The following OSBPL8 variants were observed in gnomAD, a reference collection of about 807,000 sequenced individuals.
OSBPL8 encodes the protein oxysterol binding protein like 8.
In OSBPL8, 59 loss-of-function variants were observed where a neutral mutation model predicts 125.5. The observed-to-expected ratio is 0.47, with a 90% CI of 0.38 to 0.58. The LOEUF is 0.58. OSBPL8 is among the 20% of genes least tolerant of loss of function. OSBPL8 has a pLI of 0.00. For synonymous variants in OSBPL8, 330 were observed against 338.9 expected, an observed-to-expected ratio of 0.97 and a Z score of 0.29; for missense variants, 758 against 1,047.8, an observed-to-expected ratio of 0.72 and a Z score of 3.82.
Position 76,443,719 on chromosome 12 carries a change from C to T in OSBPL8, c.217+7132G>A, listed in dbSNP as rs1205956761. Among the ~76,000 whole-genome samples, 3 of 152,216 alleles carry T rather than the reference C, an allele frequency of 2.0e-5. No individual in the cohort carries two copies. In the East Asian group the frequency reaches 5.8e-4, roughly 29 times the overall value. On this transcript the variant is annotated intron_variant, in intron 4 of 23. Coordinates refer to ENST00000261183, the MANE Select transcript of OSBPL8 (RefSeq NM_020841.5). ...AGATGGTTTCACCATGTTGGCCAGGCTGGTCTCAAATTCCTGACCCCAGGT... is the reference window on the plus strand; with the variant it reads ...AGATGGTTTCACCATGTTGGCCAGGTTGGTCTCAAATTCCTGACCCCAGGT...
At chr12:76,359,336 A>G (rs1306939088) in intron 21 of OSBPL8, among the ~76,000 whole-genome samples, 1 of 152,250 alleles carries the variant, frequency 6.6e-6, no homozygotes, top group African/African-American at 2.4e-5. Flanking sequence ...AAAGTATCTT[A>G]TAATAAATAA....
chr12:76,556,846 AG>A (rs1951118069), intron 1 of OSBPL8, among the ~76,000 whole-genome samples: 1 of 152,022 alleles, frequency 6.6e-6, no homozygotes, highest in African/African-American at 2.4e-5. Flanking sequence ...TTGTATTTTT[AG>A]TAGAGACGGG....
chr12:76,438,701 T>A (rs1329607707), intron 4 of OSBPL8, among the ~76,000 whole-genome samples: 1 of 152,198 alleles, frequency 6.6e-6, no homozygotes, highest in African/African-American at 2.4e-5. Flanking sequence ...ATGTTAAAAT[T>A]TTCAAATATG....
rs1043218347 is a variant in OSBPL8 at position 76,353,430 on chromosome 12, T to C, written c.*2459A>G. The C allele has an allele frequency of 1.3e-5, 2 of 151,762 alleles. No homozygotes were observed. Among genetic ancestry groups the C allele is most frequent in the Non-Finnish European group, 3.0e-5 (2 of 67,796 alleles). The allele number at this position is 151,762 out of a possible 1,614,324, so 9.4% of individuals were successfully genotyped here. A position where few individuals can be genotyped will look rare whatever the true frequency, so the allele number is the denominator to read the frequency against. On this transcript the variant is annotated 3_prime_UTR_variant, in exon 24 of 24. Transcript: ENST00000261183. Reference sequence around the variant, plus strand: ...ATTATTACTCAATTAAATTTTCATGTAGGAAAATAAAATCTTGGTAAATGA... The same window carrying C: ...ATTATTACTCAATTAAATTTTCATGCAGGAAAATAAAATCTTGGTAAATGA...
In OSBPL8 at chr12:76,397,771, T is replaced by G; in HGVS notation, c.595A>C (p.Ile199Leu). 1 of 1,614,150 alleles carries G rather than the reference T, an allele frequency of 6.2e-7. No individual in the cohort carries two copies. The highest frequency in any genetic ancestry group is 8.5e-7 in the Non-Finnish European group (1 of 1,180,008). The change falls in exon 8 of 24, where the codon ATT becomes CTT. Residue 199 changes from isoleucine to leucine, a missense_variant. This residue lies in a region of OSBPL8 where 69 missense variants were observed against 148.7 expected (regional missense o/e 0.46). Transcript: ENST00000261183. ...CCATCCTTTTTTGATGGACGTTCAA[T>G]GATTTCACAGGCATTCAGAAGAACT... Reference protein sequence around the residue: ...GTVLLNACEIIERPSKKDGFC... With the variant: ...GTVLLNACEILERPSKKDGFC...
chr12:76,389,807 T>G lies in OSBPL8; in HGVS notation c.1190A>C (p.Glu397Ala). The G allele has an allele frequency of 6.5e-7, 1 of 1,538,490 alleles. No homozygotes were observed. Among genetic ancestry groups the G allele is most frequent in the Middle Eastern group, 1.7e-4 (1 of 5,758 alleles). ...LGEAGEASQT[E>A]TVSEENKSLI... ...GCTTTTGTTTTCTTCAGATACAGTT[T>G]CTGTTTGAGAAGCCTCACCTGCCTT... Residue 397 changes from glutamate to alanine, a missense_variant, in exon 12 of 24, where the codon GAA becomes GCA. This residue lies in a region of OSBPL8 where 572 missense variants were observed against 762.0 expected (regional missense o/e 0.75). Transcript: ENST00000261183.
chr12:76,462,837 G>A lies in OSBPL8; in HGVS notation c.43-2942C>T, dbSNP rs80002236. On this transcript the variant is annotated intron_variant, in intron 2 of 23. Coordinates refer to ENST00000261183, the MANE Select transcript of OSBPL8 (RefSeq NM_020841.5). The stretch of plus-strand genomic sequence containing the variant: ...ATGAAAGACAGAGGGAAGAGCAAGT[G>A]TACAGGATTATGATGCAAGCAAGTC... 4.9e-3 allele frequency among the ~76,000 whole-genome samples: 744 copies of A among 152,244 alleles called. 3 individuals are homozygous for A. Among genetic ancestry groups the A allele is most frequent in the Middle Eastern group, 0.01 (3 of 294 alleles).
At chr12:76,396,962 A>G (rs907688608) in intron 8 of OSBPL8, among the ~76,000 whole-genome samples, 1 of 151,886 alleles carries the variant, frequency 6.6e-6, no homozygotes, top group African/African-American at 2.4e-5. Flanking sequence ...CTACAGGTAC[A>G]TGCCACCATA....
At chr12:76,426,758 T>G (rs1292177620) in intron 4 of OSBPL8, among the ~76,000 whole-genome samples, 1 of 152,180 alleles carries the variant, frequency 6.6e-6, no homozygotes, top group Non-Finnish European at 1.5e-5. Context: ...AGTTCTCAGA[T>G]TGTTGCTGGA....
chr12:76,462,537 G>C (rs569329591), intron 2 of OSBPL8, among the ~76,000 whole-genome samples: 4 of 152,134 alleles, frequency 2.6e-5, no homozygotes, highest in South Asian at 4.1e-4. Context: ...TAGACACCAA[G>C]GGACATAGCA....
At chr12:76,385,711 A>G (rs1273494852) in intron 14 of OSBPL8, among the ~76,000 whole-genome samples, 3 of 152,106 alleles carry the variant, frequency 2.0e-5, no homozygotes, top group African/African-American at 7.2e-5. Flanking sequence ...GAGGAAAGAA[A>G]GTGCTAGATC....
At chr12:76,409,868 T>C (rs953668508) in intron 5 of OSBPL8, among the ~76,000 whole-genome samples, 4 of 152,154 alleles carry the variant, frequency 2.6e-5, no homozygotes, top group African/African-American at 9.7e-5. Flanking sequence ...GAAACAGTTA[T>C]CTTACAGTCA....
rs35319213 is a variant in OSBPL8 at position 76,418,010 on chromosome 12, C to CTTTTTTT, written c.218-7383_218-7377dup. Among the ~76,000 whole-genome samples the CTTTTTTT allele has an allele frequency of 3.9e-4, 44 of 111,578 alleles. 1 individual carries two copies. Among genetic ancestry groups the CTTTTTTT allele is most frequent in the South Asian group, 6.4e-4 (2 of 3,104 alleles). The allele number at this position is 111,578 out of a possible 152,430, so 73.2% of individuals were successfully genotyped here. On this transcript the variant is annotated intron_variant, in intron 4 of 23. Coordinates refer to ENST00000261183, the MANE Select transcript of OSBPL8 (RefSeq NM_020841.5). ...CAGAAAATTATATGATTTTCACTACCTTTTTTTTTTTTTTTTTTTTTTGAG... is the reference window on the plus strand; with the variant it reads ...CAGAAAATTATATGATTTTCACTACCTTTTTTTTTTTTTTTTTTTTTTTTTTTTTGAG...
chr12:76,478,697 T>G (rs1877103744), intron 2 of OSBPL8, among the ~76,000 whole-genome samples: 1 of 151,958 alleles, frequency 6.6e-6, no homozygotes, highest in African/African-American at 2.4e-5. Flanking sequence ...TAGGTAATAC[T>G]GAGCAATATA....
chr12:76,379,905 G>A (rs779662997), intron 15 of OSBPL8, among the ~76,000 whole-genome samples: 13 of 152,134 alleles, frequency 8.5e-5, no homozygotes, highest in Non-Finnish European at 1.8e-4. Context: ...CATGGTAAAT[G>A]TATGTTTAAC....
intron 4 of OSBPL8, among the ~76,000 whole-genome samples, chr12:76,435,869 G>C (rs1280037910): frequency 6.6e-6 from 1 of 152,054 alleles, no homozygotes; most frequent in Non-Finnish European, 1.5e-5. Flanking sequence ...AACATCAATT[G>C]TTTAAAGAAT....
chr12:76,436,999 C>T (rs893036550), intron 4 of OSBPL8, among the ~76,000 whole-genome samples: 1 of 152,018 alleles, frequency 6.6e-6, no homozygotes, highest in African/African-American at 2.4e-5. Context: ...ATTCCTGTAG[C>T]TTTAAGGCAT....
At chr12:76,450,630 G>A (rs556239164) in intron 4 of OSBPL8, among the ~76,000 whole-genome samples, 9 of 151,818 alleles carry the variant, frequency 5.9e-5, no homozygotes, top group East Asian at 3.9e-4. Context: ...TATAACTAAC[G>A]AAGTATGTTG....
chr12:76,547,929 C>T (rs915511666), intron 1 of OSBPL8, among the ~76,000 whole-genome samples: 2 of 152,088 alleles, frequency 1.3e-5, no homozygotes, highest in Non-Finnish European at 2.9e-5. Flanking sequence ...GTTTTAGGAC[C>T]AAGCGGCATA....
Sources: allele counts gnomAD v4.1 joint callset (sites outside exome capture counted in the v4.1 genomes callset), GRCh38; gene constraint gnomAD v4.1.1; regional missense constraint gnomAD v4.1.1; transcripts MANE v1.5; gene names NCBI Gene and HGNC (gene_info 2026-07-23, HGNC 2026-07-21).